The following CDK7 variants were observed in gnomAD, a reference collection of about 807,000 sequenced individuals.
CDK7 encodes cyclin dependent kinase 7.
Under a neutral mutation model 49.1 loss-of-function variants are expected in CDK7, and 25 were observed. That is an observed-to-expected ratio of 0.51 (90% CI 0.37 to 0.71). CDK7 has a LOEUF of 0.71. Ranked by LOEUF, CDK7 falls within the 30% of genes least tolerant of loss-of-function variation. CDK7 has a pLI of 0.00. For synonymous variants in CDK7, 107 were observed against 140.0 expected (o/e 0.76, Z 1.67); for missense variants, 316 against 411.7 (o/e 0.77, Z 2.01).
intron 8 of CDK7, among the ~76,000 whole-genome samples, chr5:69,263,075 T>C (rs1017847847): frequency 6.6e-6 from 1 of 152,198 alleles, no homozygotes; most frequent in Non-Finnish European, 1.5e-5. Flanking sequence ...AATGTTACTA[T>C]AGCATTTCTG....
chr5:69,250,640 T>C (rs530280855), intron 2 of CDK7: 4 of 450,702 alleles, frequency 8.9e-6, no homozygotes, highest in Non-Finnish European at 1.8e-5. Flanking sequence ...CCTGGATTCA[T>C]GGACCCTAGT....
At chr5:69,235,979 G>A (rs1481811937) in intron 2 of CDK7, among the ~76,000 whole-genome samples, 2 of 152,138 alleles carry the variant, frequency 1.3e-5, no homozygotes, top group Admixed American at 6.6e-5. Context: ...GGTGGCTCAC[G>A]CCTGTAATCC....
intron 2 of CDK7, among the ~76,000 whole-genome samples, chr5:69,246,077 G>T (rs777538478): frequency 6.6e-6 from 1 of 152,124 alleles, no homozygotes; most frequent in Non-Finnish European, 1.5e-5. Context: ...GGGAAGCAAG[G>T]CACCTCTTAT....
chr5:69,235,087 C>G (rs1344635320), intron 1 of CDK7, 46 bp downstream of exon 1: 1 of 1,534,278 alleles, frequency 6.5e-7, no homozygotes, highest in African/African-American at 1.4e-5. Flanking sequence ...CGGACAGCCC[C>G]GCGCCGCCTC....
At chr5:69,268,340 CT>C (rs1751298432) in intron 8 of CDK7, among the ~76,000 whole-genome samples, 1 of 152,120 alleles carries the variant, frequency 6.6e-6, no homozygotes, top group African/African-American at 2.4e-5. Context: ...TCGTTTTCCT[CT>C]TTTAATTCCT....
Position 69,254,647 on chromosome 5 carries a change from TA to T in CDK7, c.208del (p.Ser70ValfsTer5). On this transcript the variant is annotated frameshift_variant, in exon 4 of 12. Coordinates refer to ENST00000256443, the MANE Select transcript of CDK7 (RefSeq NM_001799.4). LOFTEE classifies it high-confidence loss of function. ...AGAGAGATAAAATTATTACAGGAGCTAAGTCATCCAAATATAATTGGTGTGA... is the reference window on the plus strand; with the variant it reads ...AGAGAGATAAAATTATTACAGGAGCTAGTCATCCAAATATAATTGGTGTGA... ...ALREIKLLQE[L>X]SHPNIIGLLD... is the part of the protein sequence containing the mutation. The T allele has an allele frequency of 6.5e-7, 1 of 1,542,494 alleles. No individual in the cohort carries two copies. The highest frequency in any genetic ancestry group is 1.1e-5 in the South Asian group (1 of 89,522).
chr5:69,246,353 T>C (rs1158389406), intron 2 of CDK7, among the ~76,000 whole-genome samples: 1 of 152,078 alleles, frequency 6.6e-6, no homozygotes, highest in Non-Finnish European at 1.5e-5. Context: ...GCCAGGATGG[T>C]CTCGATCTTC....
intron 10 of CDK7, 139 bp downstream of exon 10, chr5:69,273,180 T>G (rs1751742008): frequency 4.9e-6 from 3 of 609,368 alleles, no homozygotes; most frequent in Non-Finnish European, 8.1e-6. Flanking sequence ...TAACAAACTT[T>G]GTATCTTTTC....
chr5:69,259,004 A>AG (rs1197346855), intron 6 of CDK7, among the ~76,000 whole-genome samples: 1 of 151,438 alleles, frequency 6.6e-6, no homozygotes, highest in African/African-American at 2.4e-5. Flanking sequence ...TGAGCCCAGG[A>AG]GGTGGGGGTT....
rs1458296115 is a variant in CDK7 at position 69,269,286 on chromosome 5, A to G, written c.707A>G (p.Gln236Arg). Residue 236 changes from glutamine to arginine, a missense_variant, in exon 9 of 12, where the codon CAG (glutamine) becomes CGG (arginine). Physicochemically the swap from Gln to Arg is conservative, Grantham distance 43. Transcript: ENST00000256443. Reference protein sequence around the residue: ...FETLGTPTEEQWPDMCSLPDY... With the variant: ...FETLGTPTEERWPDMCSLPDY... ...ACTTTGGGCACACCAACTGAGGAAC[A>G]GTGGCCGGTAAGCCTTTATGCATTT... 6 of 1,608,540 alleles carry G rather than the reference A, an allele frequency of 3.7e-6. No homozygotes were observed. The highest frequency in any genetic ancestry group is 5.1e-6 in the Non-Finnish European group (6 of 1,177,004).
At chr5:69,239,364 C>T (rs1749215430) in intron 2 of CDK7, among the ~76,000 whole-genome samples, 1 of 152,134 alleles carries the variant, frequency 6.6e-6, no homozygotes, top group South Asian at 2.1e-4. Context: ...TTACTGGCTT[C>T]TTAGATTTTC....
At chr5:69,242,097 G>A (rs1432629480) in intron 2 of CDK7, among the ~76,000 whole-genome samples, 6 of 152,088 alleles carry the variant, frequency 3.9e-5, no homozygotes, top group African/African-American at 1.4e-4. Flanking sequence ...TGAGAGATAT[G>A]GGTCTAGTTT....
At chr5:69,266,447 G>A (rs1335867730) in intron 8 of CDK7, among the ~76,000 whole-genome samples, 1 of 152,096 alleles carries the variant, frequency 6.6e-6, no homozygotes, top group African/African-American at 2.4e-5. Context: ...AAATTAGCTG[G>A]GCATGGTGGT....
Position 69,276,299 on chromosome 5 carries a change from G to A in CDK7, c.865-244G>A, listed in dbSNP as rs557296073. Among the ~76,000 whole-genome samples, 43 of 152,286 alleles carry A rather than the reference G, an allele frequency of 2.8e-4. 1 individual carries two copies. In the South Asian group the frequency reaches 8.7e-3, roughly 31 times the overall value. On this transcript the variant is annotated intron_variant, in intron 10 of 11. Transcript: ENST00000256443. ...CCGCCTCAGCCTCCCAAGGTGCTGG[G>A]ATTACAGGCATGAGCTACTGTGCCC...
At chr5:69,276,398 A>G in intron 10 of CDK7, 145 bp from the exon 11 acceptor site, 1 of 683,750 alleles carries the variant, frequency 1.5e-6, no homozygotes, top group Non-Finnish European at 2.5e-6. Context: ...TCCATTTGCA[A>G]ATACTTGACA....
chr5:69,246,884 A>C (rs965394245), intron 2 of CDK7, among the ~76,000 whole-genome samples: 7 of 151,028 alleles, frequency 4.6e-5, no homozygotes, highest in Admixed American at 6.6e-5. Context: ...GTATTGGTTA[A>C]TTTTCGTGTA....
intron 2 of CDK7, among the ~76,000 whole-genome samples, chr5:69,240,624 T>C (rs1425050848): frequency 1.3e-5 from 2 of 152,188 alleles, no homozygotes; most frequent in African/African-American, 4.8e-5. Context: ...TAAAATCAAC[T>C]GTTCTTAGCT....
chr5:69,235,244 T>C lies in CDK7; in HGVS notation c.67-150T>C, dbSNP rs1451800615. On this transcript the variant is annotated intron_variant, in intron 1 of 11. Coordinates refer to ENST00000256443, the MANE Select transcript of CDK7 (RefSeq NM_001799.4). ...GGCCTCTCCTTGCTGAAGAGTAGCC[T>C]GGAGCTGGACGGAGACTGACCCGCC... 3 of 771,216 alleles carry C rather than the reference T, an allele frequency of 3.9e-6. No homozygotes were observed. The African/African-American group carries it at 5.3e-5, about 14-fold the overall frequency. 47.8% of individuals were successfully genotyped at this position (771,216 alleles called of 1,614,324 possible). A position where few individuals can be genotyped will look rare whatever the true frequency, so the allele number is the denominator to read the frequency against.
At position 69,277,142 on chromosome 5, in the gene CDK7, C is replaced by T. The variant is rs1009315224; in HGVS notation, c.*7C>T. On this transcript the variant is annotated 3_prime_UTR_variant, in exon 12 of 12. Coordinates refer to ENST00000256443, the MANE Select transcript of CDK7 (RefSeq NM_001799.4). ...CAAGAAACTAATTTTTTAAAGAGAACACTGGACAACATTTTACTACTGAGG... is the reference window on the plus strand; with the variant it reads ...CAAGAAACTAATTTTTTAAAGAGAATACTGGACAACATTTTACTACTGAGG... The T allele has an allele frequency of 6.3e-7, 1 of 1,593,500 alleles. No homozygotes were observed.
Sources: allele counts gnomAD v4.1 joint callset (sites outside exome capture counted in the v4.1 genomes callset), GRCh38; gene constraint gnomAD v4.1.1; transcripts MANE v1.5; gene names NCBI Gene and HGNC (gene_info 2026-07-23, HGNC 2026-07-21).